The following ISCA1 variants were observed in gnomAD, a reference collection of about 807,000 sequenced individuals.
ISCA1 encodes the protein iron-sulfur cluster assembly 1 homolog, mitochondrial.
In ISCA1, 9 loss-of-function variants were observed where a neutral mutation model predicts 14.7. That is an observed-to-expected ratio of 0.61 (90% confidence interval 0.37 to 1.07). The LOEUF is 1.07. Ranked by LOEUF, ISCA1 falls within the 50% of genes least tolerant of loss-of-function variation. ISCA1 has a pLI of 0.01. For missense variants in ISCA1, 102 were observed against 150.1 expected (o/e 0.68, Z 1.67); for synonymous variants, 38 against 54.3 (o/e 0.70, Z 1.32).
At chr9:86,273,467 G>A (rs1157923469) in intron 2 of ISCA1, among the ~76,000 whole-genome samples, 1 of 152,092 alleles carries the variant, frequency 6.6e-6, no homozygotes, top group Admixed American at 6.5e-5. Context: ...CCTTTAATAT[G>A]GGGACTGGTT....
intron 1 of ISCA1, among the ~76,000 whole-genome samples, chr9:86,279,117 AAC>A (rs1268872799): frequency 6.6e-6 from 1 of 152,224 alleles, no homozygotes; most frequent in Admixed American, 6.5e-5. Context: ...CCAATGAACT[AAC>A]ACACAGTTCC....
At chr9:86,273,007 T>C (rs1340901784) in intron 2 of ISCA1, among the ~76,000 whole-genome samples, 1 of 152,206 alleles carries the variant, frequency 6.6e-6, no homozygotes, top group Admixed American at 6.5e-5. Flanking sequence ...ACAGCAAAAG[T>C]ATCATAAGTA....
intron 1 of ISCA1, among the ~76,000 whole-genome samples, chr9:86,275,200 T>A (rs1535758): frequency 0.75 from 114,202 of 151,916 alleles, 44,513 homozygotes; most frequent in East Asian, 0.99. Context: ...GGCACAAAAA[T>A]ACCAAGTATT....
chr9:86,267,498 G>A lies in ISCA1; in HGVS notation c.242-1307C>T, dbSNP rs971591570. 3.1e-6 allele frequency: 3 copies of A among 976,510 alleles called. No individual in the cohort carries two copies. The African/African-American group carries it at 5.3e-5, about 17-fold the overall frequency. 60.5% of individuals were successfully genotyped at this position (976,510 alleles called of 1,614,324 possible). A position where few individuals can be genotyped will look rare whatever the true frequency, so the allele number is the denominator to read the frequency against. Reference sequence around the variant, plus strand: ...TGCAAGCTAAGTGCATACTTCCAATGACAAGATAAATTATTTATTTTAGAT... The same window carrying A: ...TGCAAGCTAAGTGCATACTTCCAATAACAAGATAAATTATTTATTTTAGAT... On this transcript the variant is annotated intron_variant, in intron 3 of 3. Coordinates refer to ENST00000375991, the MANE Select transcript of ISCA1 (RefSeq NM_030940.4).
chr9:86,281,985 C>T (rs1050449390), intron 1 of ISCA1: 41 of 196,962 alleles, frequency 2.1e-4, no homozygotes, highest in Non-Finnish European at 3.7e-4. Context: ...GCTAGGACTC[C>T]GGGCCACCAC....
intron 3 of ISCA1, among the ~76,000 whole-genome samples, chr9:86,268,904 T>C (rs1266629768): frequency 2.0e-5 from 3 of 152,172 alleles, no homozygotes; most frequent in African/African-American, 7.2e-5. Flanking sequence ...CAAGCGATTC[T>C]CCTGCCTCAG....
At chr9:86,275,449 T>C (rs1232951985) in intron 1 of ISCA1, among the ~76,000 whole-genome samples, 2 of 152,142 alleles carry the variant, frequency 1.3e-5, no homozygotes, top group Non-Finnish European at 2.9e-5. Flanking sequence ...TGGATGGCCC[T>C]AGAGTGTGCT....
intron 1 of ISCA1, among the ~76,000 whole-genome samples, chr9:86,276,061 T>C (rs552063973): frequency 6.6e-6 from 1 of 152,228 alleles, no homozygotes; most frequent in South Asian, 2.1e-4. Flanking sequence ...ATTATTACAT[T>C]GTAATATATA....
intron 1 of ISCA1, among the ~76,000 whole-genome samples, chr9:86,279,429 C>G (rs1184537067): frequency 6.6e-6 from 1 of 152,188 alleles, no homozygotes; most frequent in East Asian, 1.9e-4. Context: ...TTGTCAATTT[C>G]TAGATATGTA....
rs1301651270 is a variant in ISCA1, at chr9:86,264,956, C to G, written c.*1087G>C. ...AATGTATGCACACTGGGAATTTTAA[C>G]AAAAGATTACACATTCTCCTGTACA... On this transcript the variant is annotated 3_prime_UTR_variant, in exon 4 of 4. Coordinates refer to ENST00000375991, the MANE Select transcript of ISCA1 (RefSeq NM_030940.4). 1 of 152,130 alleles carries G rather than the reference C, an allele frequency of 6.6e-6. No individual in the cohort carries two copies. Among genetic ancestry groups the G allele is most frequent in the Non-Finnish European group, 1.5e-5 (1 of 68,016 alleles). The allele number at this position is 152,130 out of a possible 1,614,324, so 9.4% of individuals were successfully genotyped here.
At chr9:86,274,292 C>T (rs769821971) in intron 1 of ISCA1, 50 bp from the exon 2 acceptor site, 290 of 1,232,670 alleles carry the variant, frequency 2.4e-4, no homozygotes, top group Non-Finnish European at 3.1e-4. Context: ...TATTCAAAGC[C>T]TCATATTTAT....
At chr9:86,272,666 A>G (rs1825385905) in intron 2 of ISCA1, among the ~76,000 whole-genome samples, 1 of 152,234 alleles carries the variant, frequency 6.6e-6, no homozygotes, top group Non-Finnish European at 1.5e-5. Flanking sequence ...ATTTAAATAC[A>G]GTCATCCCTT....
intron 3 of ISCA1, among the ~76,000 whole-genome samples, chr9:86,269,881 C>CT (rs1367302422): frequency 2.0e-5 from 3 of 152,216 alleles, no homozygotes; most frequent in Non-Finnish European, 2.9e-5. Flanking sequence ...GGAAAACTGG[C>CT]TAGCCATATG....
Position 86,274,175 on chromosome 9 carries a change from C to G in ISCA1, c.135+14G>C. 6.9e-7 allele frequency: 1 copy of G among 1,442,462 alleles called. No individual in the cohort carries two copies. The highest frequency in any genetic ancestry group is 1.7e-5 in the Admixed American group (1 of 59,306). The allele number at this position is 1,442,462 out of a possible 1,614,324, so 89.4% of individuals were successfully genotyped here. On this transcript the variant is annotated intron_variant, in intron 2 of 3. Coordinates refer to ENST00000375991, the MANE Select transcript of ISCA1 (RefSeq NM_030940.4). ...CTTCAGTTTTTTACTGAATAATTAACTGGTTTTACTTACATGCTCAGGCTT... is the reference window on the plus strand; with the variant it reads ...CTTCAGTTTTTTACTGAATAATTAAGTGGTTTTACTTACATGCTCAGGCTT...
chr9:86,266,256 C>T, intron 3 of ISCA1, 65 bp from the exon 4 acceptor site: 1 of 1,522,630 alleles, frequency 6.6e-7, no homozygotes, highest in Non-Finnish European at 8.8e-7. Context: ...TGATTCAAAG[C>T]ACAAGTGAAC....
intron 1 of ISCA1, among the ~76,000 whole-genome samples, chr9:86,278,180 T>C (rs1479923456): frequency 6.6e-6 from 1 of 152,076 alleles, no homozygotes; most frequent in African/African-American, 2.4e-5. Flanking sequence ...ATATCAATTT[T>C]CTGGGGGAAC....
chr9:86,275,951 G>C (rs1825435123), intron 1 of ISCA1, among the ~76,000 whole-genome samples: 1 of 152,112 alleles, frequency 6.6e-6, no homozygotes, highest in Non-Finnish European at 1.5e-5. Context: ...AATGTTTTTG[G>C]CATCAAGGAC....
chr9:86,270,855 AC>A (rs1006584283), intron 3 of ISCA1, among the ~76,000 whole-genome samples: 8 of 148,126 alleles, frequency 5.4e-5, no homozygotes, highest in African/African-American at 2.0e-4. Context: ...AAAAAACCAA[AC>A]ACCACATGTT....
intron 3 of ISCA1, among the ~76,000 whole-genome samples, chr9:86,270,212 C>A (rs1359311728): frequency 1.5e-5 from 2 of 137,478 alleles, no homozygotes; most frequent in Non-Finnish European, 3.1e-5. Context: ...GGGCTAATAT[C>A]CAGAATCTAC....
Sources: gnomAD v4.1 joint callset for allele counts (sites outside exome capture counted in the v4.1 genomes callset) on GRCh38, gnomAD v4.1.1 for gene constraint, MANE v1.5 for transcripts, NCBI Gene and HGNC (gene_info 2026-07-23, HGNC 2026-07-21) for gene names.